Variants in MLXIPL observed in about 807,000 individuals in gnomAD.
MLXIPL encodes the protein MLX interacting protein like, also known as carbohydrate-responsive element-binding protein.
Under a neutral mutation model 81.5 loss-of-function variants are expected in MLXIPL, and 49 were observed. The ratio of observed to expected loss-of-function variants is 0.60; its 90% CI spans 0.48 to 0.76. The LOEUF (loss-of-function observed/expected upper bound fraction) is 0.76, where lower values mean the gene tolerates loss of function less well. Ranked by LOEUF, MLXIPL falls within the 30% of genes least tolerant of loss-of-function variation. The pLI, the probability that MLXIPL is intolerant of heterozygous loss-of-function variation, is 0.00. For missense variants in MLXIPL, 1,053 were observed against 1,167.0 expected, an observed-to-expected ratio of 0.90 and a Z score of 1.42; for synonymous variants, 466 against 485.5, an observed-to-expected ratio of 0.96 and a Z score of 0.53.
In MLXIPL at chr7:73,624,434, C is replaced by A; in HGVS notation, c.59G>T (p.Ser20Ile). 7 of 1,557,788 alleles carry A rather than the reference C, an allele frequency of 4.5e-6. No individual in the cohort carries two copies. Among genetic ancestry groups the A allele is most frequent in the Non-Finnish European group, 6.0e-6 (7 of 1,159,368 alleles). ...AGLQVPRVAP[S>I]PDSDSDTDSE... ...GTCTGTGTCCGAGTCCGAGTCTGGG[C>A]TGGGCGCGACCCGCGGGACCTGCAA... The change falls in exon 1 of 17, where the codon AGC becomes ATC. Residue 20 changes from serine to isoleucine, a missense_variant. Physicochemically the swap from Ser to Ile is moderately radical, Grantham distance 142. Coordinates refer to ENST00000313375, the MANE Select transcript of MLXIPL (RefSeq NM_032951.3).
At chr7:73,641,039 T>C in the MLXIPL span, among the ~76,000 whole-genome samples, 13 of 151,602 alleles carry the variant, frequency 8.6e-5, no homozygotes, top group Non-Finnish European at 1.6e-4. Flanking sequence ...CAGTTACTCA[T>C]GTCTGTAATC....
At chr7:73,643,450 C>T in the MLXIPL span, among the ~76,000 whole-genome samples, 1 of 150,616 alleles carries the variant, frequency 6.6e-6, no homozygotes, top group Non-Finnish European at 1.5e-5. Flanking sequence ...GGAGGCGGAG[C>T]TTGCAGTGAG....
At chr7:73,602,114 G>GCCTTCCTTCCTT (rs1374241167) in intron 7 of MLXIPL, among the ~76,000 whole-genome samples, 9 of 53,574 alleles carry the variant, frequency 1.7e-4, no homozygotes, top group East Asian at 9.3e-4. Flanking sequence ...CTGCCTGCCT[G>GCCTTCCTTCCTT]CCTGCCTGCC....
chr7:73,614,374 G>A (rs1417702733), intron 2 of MLXIPL, among the ~76,000 whole-genome samples: 1 of 152,112 alleles, frequency 6.6e-6, no homozygotes, highest in Admixed American at 6.6e-5. Context: ...TCCATAACAT[G>A]GCGGTAATAA....
intron 2 of MLXIPL, among the ~76,000 whole-genome samples, chr7:73,614,809 CTTTTTT>C (rs11307944): frequency 9.4e-6 from 1 of 106,196 alleles, no homozygotes; most frequent in Non-Finnish European, 1.9e-5. Context: ...TTGTTTTGCC[CTTTTTT>C]TTTTTTTTTT....
the MLXIPL span, among the ~76,000 whole-genome samples, chr7:73,633,235 C>A: frequency 6.6e-6 from 1 of 151,916 alleles, no homozygotes; most frequent in African/African-American, 2.4e-5. Context: ...CACCCGCCAC[C>A]ACGCCCGGCT....
intron 1 of MLXIPL, among the ~76,000 whole-genome samples, chr7:73,622,414 G>A (rs782260326): frequency 5.3e-5 from 8 of 151,936 alleles, no homozygotes; most frequent in Non-Finnish European, 8.8e-5. Flanking sequence ...TCTTGAACCC[G>A]GAAGGCAGAG....
rs782669114 is a variant in MLXIPL, at chr7:73,596,468, G to A, written c.1834C>T (p.Arg612Trp). 8.1e-6 allele frequency: 13 copies of A among 1,612,778 alleles called. No homozygotes were observed. The highest frequency in any genetic ancestry group is 3.3e-5 in the South Asian group (3 of 91,084). The change falls in exon 12 of 17, where the codon CGG (arginine) becomes TGG (tryptophan). Residue 612 changes from arginine to tryptophan, a missense_variant. Arg to Trp is a moderately radical substitution (Grantham distance 101). This residue lies in a region of MLXIPL where 823 missense variants were observed against 933.0 expected (regional missense o/e 0.88). Coordinates refer to ENST00000313375, the MANE Select transcript of MLXIPL (RefSeq NM_032951.3). This position sits in a 1 kb window ranked among gnomAD's most constrained non-coding sequence, Gnocchi z 4.7. Reference sequence around the variant, plus strand: ...ATGGAGCTGAGGTCCCCTGACAGCCGCCGTTCACTGCCTGTGGTAGGGACA... The same window carrying A: ...ATGGAGCTGAGGTCCCCTGACAGCCACCGTTCACTGCCTGTGGTAGGGACA... ...SPPAPSGSER[R>W]LSGDLSSMPG...
the MLXIPL span, among the ~76,000 whole-genome samples, chr7:73,636,497 G>A: frequency 1.2e-4 from 19 of 152,052 alleles, no homozygotes; most frequent in African/African-American, 4.6e-4. Context: ...AAACAAAGGC[G>A]GGGGCTGGGG....
At chr7:73,616,684 A>G (rs1468900814) in intron 1 of MLXIPL, among the ~76,000 whole-genome samples, 1 of 151,984 alleles carries the variant, frequency 6.6e-6, no homozygotes, top group Non-Finnish European at 1.5e-5. Flanking sequence ...CCCTGTCTCT[A>G]CTAAAAATAC....
At position 73,597,291 on chromosome 7, in the gene MLXIPL, T is replaced by C; in HGVS notation, c.1494A>G (p.Pro498=). ...GGCTGGCTTTCTGTCCCCTAGGGGA[T>C]GGGGCGGGGGGCTTGCCTCTGGGCA... ...FSMPRGKPPA[P]SPRGQKASPP... is the part of the protein sequence containing the mutation. The change falls in exon 9 of 17, where the codon CCA becomes CCG. Residue 498 remains proline, a synonymous_variant. Transcript: ENST00000313375. The C allele has an allele frequency of 7.4e-7, 1 of 1,350,520 alleles. No homozygotes were observed. Among genetic ancestry groups the C allele is most frequent in the East Asian group, 2.8e-5 (1 of 36,284 alleles). The allele number at this position is 1,350,520 out of a possible 1,614,324, so 83.7% of individuals were successfully genotyped here. A position where few individuals can be genotyped will look rare whatever the true frequency, so the allele number is the denominator to read the frequency against.
At chr7:73,630,482 G>A in the MLXIPL span, among the ~76,000 whole-genome samples, 3 of 151,398 alleles carry the variant, frequency 2.0e-5, no homozygotes, top group East Asian at 5.8e-4. Flanking sequence ...TTGTAGAGAT[G>A]GGATTTTGCC....
chr7:73,628,113 T>C (rs6460047), upstream of MLXIPL, among the ~76,000 whole-genome samples: 32,637 of 151,992 alleles, frequency 0.21, 3,715 homozygotes, highest in African/African-American at 0.29. Flanking sequence ...TGAGCCACTG[T>C]GCCTGGCCTG....
chr7:73,647,755 C>T, the MLXIPL span, among the ~76,000 whole-genome samples: 1 of 151,918 alleles, frequency 6.6e-6, no homozygotes, highest in South Asian at 2.1e-4. Context: ...CCTGATGACG[C>T]GGGGGCTCCA....
rs1166806013 is a variant in MLXIPL at position 73,607,853 on chromosome 7, C to CTTTTTTTTTTTTTTTTT, written c.401-198_401-182dup. Among the ~76,000 whole-genome samples the CTTTTTTTTTTTTTTTTT allele has an allele frequency of 3.6e-5, 4 of 110,360 alleles. 1 individual carries two copies. The highest frequency in any genetic ancestry group is 9.7e-5 in the Admixed American group (1 of 10,334). The allele number at this position is 110,360 out of a possible 152,430, so 72.4% of individuals were successfully genotyped here. ...TGATGCTCTAGCCTCCTAGATCTTC[C>CTTTTTTTTTTTTTTTTT]TTTTTTTTTTTTTTTTTTTGGAGAT... On this transcript the variant is annotated intron_variant, in intron 2 of 16. Transcript: ENST00000313375.
chr7:73,635,384 TC>T, the MLXIPL span, among the ~76,000 whole-genome samples: 2 of 152,048 alleles, frequency 1.3e-5, no homozygotes, highest in African/African-American at 4.8e-5. Flanking sequence ...CATTCATCTG[TC>T]CATCTAGTTA....
intron 2 of MLXIPL, chr7:73,609,648 A>T (rs1351281560): frequency 6.8e-6 from 1 of 147,252 alleles, no homozygotes; most frequent in Non-Finnish European, 1.5e-5. Context: ...TGAGACAAGG[A>T]CTCAATCTGT....
chr7:73,631,621 G>A, the MLXIPL span, among the ~76,000 whole-genome samples: 1 of 137,360 alleles, frequency 7.3e-6, no homozygotes, highest in Non-Finnish European at 1.5e-5. Flanking sequence ...TGCCTAGGCT[G>A]GTGTCAAACT....
At chr7:73,627,691 C>T (rs1377955938), upstream of MLXIPL, among the ~76,000 whole-genome samples, 1 of 152,142 alleles carries the variant, frequency 6.6e-6, no homozygotes, top group Non-Finnish European at 1.5e-5. Context: ...ATCTCTGAAC[C>T]CCCACACTGG....
Sources: allele counts gnomAD v4.1 joint callset (sites outside exome capture counted in the v4.1 genomes callset), GRCh38; gene constraint gnomAD v4.1.1; regional missense constraint gnomAD v4.1.1; non-coding constraint Gnocchi (gnomAD v3.1); transcripts MANE v1.5; gene names NCBI Gene and HGNC (gene_info 2026-07-23, HGNC 2026-07-21).